Variants in CEP192 observed in about 807,000 individuals in gnomAD.
CEP192 encodes centrosomal protein 192.
CEP192 carries 151 observed loss-of-function variants against 271.8 expected under a neutral mutation model. The ratio of observed to expected loss-of-function variants is 0.56; its 90% CI spans 0.49 to 0.64. The LOEUF is 0.64. Ranked by LOEUF, CEP192 falls within the 30% of genes least tolerant of loss-of-function variation. The pLI is 0.00. For missense variants in CEP192, 2,910 were observed against 3,020.5 expected, an observed-to-expected ratio of 0.96 and a Z score of 0.86; for synonymous variants, 995 against 1,076.5, an observed-to-expected ratio of 0.92 and a Z score of 1.48.
At position 13,089,280 on chromosome 18, in the gene CEP192, T is replaced by C. The variant is rs553148504; in HGVS notation, c.5994-176T>C. ...ATTTAACTGAAACTGATAATTTTACTACCATGTGTAATTTTTCAAAGAACT... is the reference window on the plus strand; with the variant it reads ...ATTTAACTGAAACTGATAATTTTACCACCATGTGTAATTTTTCAAAGAACT... On this transcript the variant is annotated intron_variant, in intron 32 of 44. Transcript: ENST00000506447. Among the ~76,000 whole-genome samples, 8 of 152,328 alleles carry C rather than the reference T, an allele frequency of 5.3e-5. No homozygotes were observed. In the East Asian group the frequency reaches 1.5e-3, roughly 29 times the overall value.
chr18:13,124,652 T>C lies in CEP192; in HGVS notation c.7496T>C (p.Met2499Thr). Residue 2499 changes from methionine (M) to threonine (T), a missense_variant, in exon 45 of 45, where the codon ATG (methionine) becomes ACG (threonine). Transcript: ENST00000506447. The stretch of plus-strand genomic sequence containing the variant: ...TCCAGAGCCCAGCATTACATCAACA[T>C]GCCCGTGCAGTTCAAACCGAAGTCC... ...YSLRAQHYINMPVQFKPKSAG... is the reference protein window; with the variant it reads ...YSLRAQHYINTPVQFKPKSAG... 5 of 1,613,912 alleles carry C rather than the reference T, an allele frequency of 3.1e-6. No homozygotes were observed. Among genetic ancestry groups the C allele is most frequent in the Non-Finnish European group, 4.2e-6 (5 of 1,179,848 alleles).
intron 30 of CEP192, among the ~76,000 whole-genome samples, chr18:13,078,032 C>T (rs1050883069): frequency 7.9e-5 from 12 of 152,262 alleles, no homozygotes; most frequent in African/African-American, 2.6e-4. Context: ...GTTTGCTGCA[C>T]ACATCTACCC....
At chr18:13,098,302 C>T (rs574385718) in intron 36 of CEP192, among the ~76,000 whole-genome samples, 31 of 151,632 alleles carry the variant, frequency 2.0e-4, no homozygotes, top group Non-Finnish European at 3.1e-4. Context: ...CTGGATGGGG[C>T]GGCTGGCCTG....
rs553806473 is a variant in CEP192, at chr18:13,094,933, C to T, written c.6255-570C>T. ...ATCCCCCTATTTTTTAACTAATCTTCCCATTGCACGGCTGTCTCCCTGAGC... is the reference window on the plus strand; with the variant it reads ...ATCCCCCTATTTTTTAACTAATCTTTCCATTGCACGGCTGTCTCCCTGAGC... On this transcript the variant is annotated intron_variant, in intron 34 of 44. Transcript: ENST00000506447. 1.3e-3 allele frequency among the ~76,000 whole-genome samples: 204 copies of T among 152,328 alleles called. 2 individuals are homozygous for T. The highest frequency in any genetic ancestry group is 2.3e-3 in the Non-Finnish European group (156 of 68,028).
chr18:13,078,227 C>G (rs1480507961), intron 30 of CEP192, among the ~76,000 whole-genome samples: 2 of 152,136 alleles, frequency 1.3e-5, no homozygotes, highest in South Asian at 2.1e-4. Context: ...AGAATGGTTT[C>G]TAGCTTCATC....
At chr18:13,038,704 G>C in intron 13 of CEP192, 125 bp downstream of exon 13, 3 of 728,310 alleles carry the variant, frequency 4.1e-6, no homozygotes, top group South Asian at 1.8e-5. Context: ...AAAAAACTTA[G>C]GTTTCATCAT....
In CEP192 at chr18:13,100,377, T is replaced by C; in HGVS notation, c.6736T>C (p.Phe2246Leu). The C allele has an allele frequency of 6.2e-7, 1 of 1,614,084 alleles. No individual in the cohort carries two copies. Among genetic ancestry groups the C allele is most frequent in the Non-Finnish European group, 8.5e-7 (1 of 1,179,948 alleles). ...TTTAACTCGTTTGACCTCCAAACCA[T>C]TTGGAATTCTTTCCCCAGTATCTGA... ...ELLTRLTSKP[F>L]GILSPVSEPS... The change falls in exon 38 of 45, where the codon TTT (phenylalanine) becomes CTT (leucine). Residue 2246 changes from phenylalanine to leucine, a missense_variant. Coordinates refer to ENST00000506447, the MANE Select transcript of CEP192 (RefSeq NM_032142.4).
Position 13,097,695 on chromosome 18 carries a change from G to T in CEP192, c.6557+1388G>T, listed in dbSNP as rs540798956. Among the ~76,000 whole-genome samples, 199 of 148,230 alleles carry T rather than the reference G, an allele frequency of 1.3e-3. 5 individuals are homozygous for T. In the South Asian group the frequency reaches 0.017, roughly 13 times the overall value. Reference sequence around the variant, plus strand: ...CATTCTTGGGTGTTTCTCGCAGAGGGGGATTTGGCAGGGTCATAGGACAAT... The same window carrying T: ...CATTCTTGGGTGTTTCTCGCAGAGGTGGATTTGGCAGGGTCATAGGACAAT... On this transcript the variant is annotated intron_variant, in intron 36 of 44. Coordinates refer to ENST00000506447, the MANE Select transcript of CEP192 (RefSeq NM_032142.4).
At chr18:13,113,154 C>A (rs967869112) in intron 40 of CEP192, among the ~76,000 whole-genome samples, 4 of 152,184 alleles carry the variant, frequency 2.6e-5, no homozygotes, top group African/African-American at 9.7e-5. Context: ...CGCCGCCCCC[C>A]TCACTGTTGT....
At position 13,073,193 on chromosome 18, in the gene CEP192, C is replaced by T; in HGVS notation, c.5616+8C>T. 1.9e-6 allele frequency: 3 copies of T among 1,594,242 alleles called. No homozygotes were observed. The highest frequency in any genetic ancestry group is 2.6e-6 in the Non-Finnish European group (3 of 1,172,218). ...CCAGGCATTAAGTTCACAGTAAGAT[C>T]ATTTTATTGCCTTTCCCTTCCCCTG... On this transcript the variant is annotated splice_region_variant and intron_variant, in intron 30 of 44. Transcript: ENST00000506447.
intron 18 of CEP192, among the ~76,000 whole-genome samples, chr18:13,055,059 C>T (rs1439278168): frequency 6.6e-6 from 1 of 152,104 alleles, no homozygotes; most frequent in Admixed American, 6.5e-5. Flanking sequence ...AGGCGGATCA[C>T]CTGAGGTCAG....
chr18:13,047,241 C>G (rs892959781), intron 15 of CEP192, among the ~76,000 whole-genome samples: 1 of 152,146 alleles, frequency 6.6e-6, no homozygotes, highest in African/African-American at 2.4e-5. Context: ...TGGAGCTGAG[C>G]CTCATCCTTA....
At chr18:13,111,077 C>T (rs2040188366) in intron 40 of CEP192, among the ~76,000 whole-genome samples, 1 of 152,196 alleles carries the variant, frequency 6.6e-6, no homozygotes, top group Non-Finnish European at 1.5e-5. Flanking sequence ...TACTGAGCAG[C>T]CATCTAGGCC....
chr18:13,019,792 A>G (rs1190493842), intron 9 of CEP192, among the ~76,000 whole-genome samples: 1 of 152,026 alleles, frequency 6.6e-6, no homozygotes, highest in African/African-American at 2.4e-5. Flanking sequence ...TTTAACTTGT[A>G]AAATACATAT....
intron 40 of CEP192, among the ~76,000 whole-genome samples, chr18:13,108,934 A>C (rs1043389586): frequency 6.6e-6 from 1 of 152,210 alleles, no homozygotes; most frequent in Non-Finnish European, 1.5e-5. Context: ...CAGAGAAAAA[A>C]TGCTTATACA....
At chr18:13,005,851 G>A (rs1277807424) in intron 3 of CEP192, among the ~76,000 whole-genome samples, 1 of 152,232 alleles carries the variant, frequency 6.6e-6, no homozygotes, top group Non-Finnish European at 1.5e-5. Flanking sequence ...TACTTTAGCT[G>A]AGTACAGAAT....
chr18:13,108,471 C>T (rs1210213573), intron 40 of CEP192, among the ~76,000 whole-genome samples: 1 of 152,078 alleles, frequency 6.6e-6, no homozygotes, highest in Non-Finnish European at 1.5e-5. Context: ...CCAAAACAAA[C>T]CACCCCATTA....
Position 13,015,415 on chromosome 18 carries a change from C to A in CEP192, c.607C>A (p.Leu203Ile). 4 of 1,551,410 alleles carry A rather than the reference C, an allele frequency of 2.6e-6. No homozygotes were observed. Among genetic ancestry groups the A allele is most frequent in the Non-Finnish European group, 3.5e-6 (4 of 1,146,806 alleles). Residue 203 changes from leucine to isoleucine, a missense_variant, in exon 6 of 45, where the codon CTT becomes ATT. Coordinates refer to ENST00000506447, the MANE Select transcript of CEP192 (RefSeq NM_032142.4). ...CACTAGCTTATTAGAAAATGAGAAA[C>A]TTATCTTACCGACAAGCTTGGAAGA... is the stretch of plus-strand genomic sequence containing the variant. Reference protein sequence around the residue: ...SHTSLLENEKLILPTSLEDSS... With the variant: ...SHTSLLENEKIILPTSLEDSS...
chr18:13,013,793 C>T (rs905129698), intron 5 of CEP192, among the ~76,000 whole-genome samples: 1 of 152,166 alleles, frequency 6.6e-6, no homozygotes, highest in East Asian at 1.9e-4. Context: ...GACTTACTTA[C>T]AAAATATAAA....
Sources: gnomAD v4.1 joint callset for allele counts (sites outside exome capture counted in the v4.1 genomes callset) on GRCh38, gnomAD v4.1.1 for gene constraint, MANE v1.5 for transcripts, NCBI Gene and HGNC (gene_info 2026-07-23, HGNC 2026-07-21) for gene names.